Variants in CROCC observed in about 807,000 individuals in gnomAD.
The protein encoded by CROCC is rootletin.
In CROCC, 180 loss-of-function variants were observed where a neutral mutation model predicts 245.2. That is an observed-to-expected ratio of 0.73 (90% CI 0.65 to 0.83). The LOEUF is 0.83. CROCC is among the 40% of genes least tolerant of loss of function. The pLI, the probability that CROCC is intolerant of heterozygous loss-of-function variation, is 0.00. For synonymous variants in CROCC, 1,205 were observed against 1,241.6 expected, an observed-to-expected ratio of 0.97 and a Z score of 0.62; for missense variants, 2,688 against 2,779.4, an observed-to-expected ratio of 0.97 and a Z score of 0.74.
chr1:16,954,457 C>T lies in CROCC; in HGVS notation c.3321+100C>T. 6.9e-7 allele frequency: 1 copy of T among 1,454,848 alleles called. No individual in the cohort carries two copies. 90.1% of individuals were successfully genotyped at this position (1,454,848 alleles called of 1,614,324 possible). The stretch of plus-strand genomic sequence containing the variant: ...GCGGCATGGCCCTGTCCTGGAGAAG[C>T]TTCCAGGCTGTGGGAAAGGAGGTTT... On this transcript the variant is annotated intron_variant, in intron 22 of 36. Transcript: ENST00000375541. This position sits in a 1 kb window ranked among gnomAD's most constrained non-coding sequence, Gnocchi z 4.4.
At chr1:16,919,515 A>C (rs2075359501), upstream of CROCC, among the ~76,000 whole-genome samples, 1 of 152,254 alleles carries the variant, frequency 6.6e-6, no homozygotes, top group Admixed American at 6.5e-5. Context: ...CGCAGGCAAA[A>C]CTCTTCAGTC....
chr1:16,938,785 G>A, intron 11 of CROCC, 124 bp from the exon 12 acceptor site: 2 of 982,916 alleles, frequency 2.0e-6, no homozygotes, highest in East Asian at 5.2e-5. Flanking sequence ...AAATCAGGAA[G>A]GCTTCTTGTA....
chr1:16,923,869 CAG>C (rs1448656525), intron 2 of CROCC, among the ~76,000 whole-genome samples: 7 of 152,246 alleles, frequency 4.6e-5, no homozygotes, highest in African/African-American at 1.7e-4. Context: ...TTAGTAGAGA[CAG>C]GGCTTCGCCG....
At chr1:16,941,853 T>C (rs2075941554) in intron 13 of CROCC, among the ~76,000 whole-genome samples, 1 of 152,260 alleles carries the variant, frequency 6.6e-6, no homozygotes, top group Non-Finnish European at 1.5e-5. Flanking sequence ...TTGCCAGCAC[T>C]ATTTTGGACT....
At chr1:16,946,740 C>T in intron 16 of CROCC, 21 bp from the exon 17 acceptor site, 3 of 1,549,114 alleles carry the variant, frequency 1.9e-6, no homozygotes, top group Non-Finnish European at 2.6e-6. Context: ...TCACGAGGCC[C>T]CACTCCTACC....
Position 16,939,918 on chromosome 1 carries a change from A to T in CROCC, c.1633A>T (p.Ser545Cys). 6 of 1,612,530 alleles carry T rather than the reference A, an allele frequency of 3.7e-6. No homozygotes were observed. Among genetic ancestry groups the T allele is most frequent in the Non-Finnish European group, 5.1e-6 (6 of 1,179,812 alleles). Residue 545 changes from serine (S) to cysteine (C), a missense_variant, in exon 13 of 37, where the codon AGC (serine) becomes TGC (cysteine). Around this residue, in one of 9 missense-constraint regions of CROCC, gnomAD observed 972 missense variants for 895.3 expected, o/e 1.09. Transcript: ENST00000375541. ...VQDMRGRYEASQDLLGTLRKQ... is the reference protein window; with the variant it reads ...VQDMRGRYEACQDLLGTLRKQ... ...GGACATGCGTGGGCGCTATGAGGCA[A>T]GCCAGGACCTACTGGGCACCCTGCG...
chr1:16,957,374 T>A (rs1289810053), intron 25 of CROCC, among the ~76,000 whole-genome samples: 1 of 151,748 alleles, frequency 6.6e-6, no homozygotes, highest in South Asian at 2.1e-4. Context: ...ATCACCGCAC[T>A]CCAGCCTGGG....
At chr1:16,921,503 A>G (rs1267689844), upstream of CROCC, among the ~76,000 whole-genome samples, 3 of 152,276 alleles carry the variant, frequency 2.0e-5, no homozygotes, top group Admixed American at 1.3e-4. Context: ...GTGGGAAAAC[A>G]TACTCCCAGC....
intron 3 of CROCC, among the ~76,000 whole-genome samples, chr1:16,929,279 G>C (rs1206443161): frequency 6.6e-6 from 1 of 152,280 alleles, no homozygotes; most frequent in East Asian, 1.9e-4. Flanking sequence ...TATCTTTAAG[G>C]TCAGATATGC....
chr1:16,961,246 C>T lies in CROCC; in HGVS notation c.4405+116C>T, dbSNP rs544145307. The T allele has an allele frequency of 1.1e-3, 1,122 of 1,028,184 alleles. 6 individuals carry two copies. The highest frequency in any genetic ancestry group is 0.011 in the African/African-American group (637 of 59,344). The allele number at this position is 1,028,184 out of a possible 1,614,324, so 63.7% of individuals were successfully genotyped here. A position where few individuals can be genotyped will look rare whatever the true frequency, so the allele number is the denominator to read the frequency against. ...TTTTGTTTTTTTTCAAGGAGCCCAC[C>T]ACACCTCTCCACTGAGGTCCACTTC... is the stretch of plus-strand genomic sequence containing the variant. On this transcript the variant is annotated intron_variant, in intron 27 of 36. Coordinates refer to ENST00000375541, the MANE Select transcript of CROCC (RefSeq NM_014675.5).
chr1:16,930,578 G>A lies in CROCC; in HGVS notation c.833G>A (p.Trp278Ter). Residue 278 changes from tryptophan (W) to a stop codon, truncating the protein, a stop_gained, in exon 7 of 37, where the codon TGG (tryptophan) becomes TAG (stop). Transcript: ENST00000375541. LOFTEE classifies it high-confidence loss of function. ...GAGCTGGAGCACCGGGAGGCGGCGT[G>A]GAGGCGCGAGGAGGAGGTGGGCATG... is the stretch of plus-strand genomic sequence containing the variant. ...RKELEHREAAWRREEESFNAY... is the reference protein window; with the variant it reads ...RKELEHREAA The A allele has an allele frequency of 6.2e-7, 1 of 1,610,344 alleles. No homozygotes were observed. The highest frequency in any genetic ancestry group is 1.1e-5 in the South Asian group (1 of 90,486).
intron 17 of CROCC, among the ~76,000 whole-genome samples, chr1:16,948,000 G>A (rs1260079687): frequency 2.0e-5 from 3 of 152,238 alleles, no homozygotes; most frequent in Admixed American, 6.5e-5. Context: ...CACCACGCCC[G>A]GCTAATTTTT....
rs763513344 is a variant in CROCC at position 16,966,414 on chromosome 1, G to A, written c.4703G>A (p.Arg1568His). The change falls in exon 30 of 37, where the codon CGC becomes CAC. Residue 1568 changes from arginine to histidine, a missense_variant. Transcript: ENST00000375541. The surrounding 1 kb of genome is among the most constrained non-coding windows in gnomAD (Gnocchi z 4.8). ...GGGTGGGTGGTGGCTACAGCCCGGC[G>A]CAGTGTGGATGGGCGGCTGAGCGGG... ...KAVAESEEAR[R>H]SVDGRLSGVQ... 2.5e-5 allele frequency: 38 copies of A among 1,531,714 alleles called. No homozygotes were observed. Among genetic ancestry groups the A allele is most frequent in the African/African-American group, 8.2e-5 (6 of 72,766 alleles). 94.9% of individuals were successfully genotyped at this position (1,531,714 alleles called of 1,614,324 possible).
At chr1:16,938,863 G>T (rs1288511055) in intron 11 of CROCC, 46 bp from the exon 12 acceptor site, 3 of 1,577,178 alleles carry the variant, frequency 1.9e-6, no homozygotes, top group Non-Finnish European at 2.6e-6. Context: ...TAACCCCGCG[G>T]TTCCTAACTC....
At chr1:16,935,687 G>A (rs1255873299) in intron 8 of CROCC, among the ~76,000 whole-genome samples, 4 of 152,276 alleles carry the variant, frequency 2.6e-5, no homozygotes, top group Non-Finnish European at 5.9e-5. Flanking sequence ...GCCTCCCAAA[G>A]TGCTGGGATT....
intron 17 of CROCC, among the ~76,000 whole-genome samples, chr1:16,947,325 T>C (rs1482071464): frequency 2.0e-5 from 3 of 152,172 alleles, no homozygotes; most frequent in Non-Finnish European, 4.4e-5. Context: ...AAAAATTAGC[T>C]GGGCGTGGTG....
rs1029004416 is a variant in CROCC, at chr1:16,966,946, TCGGGAGG to T, written c.4860+377_4860+383del. ...GGTGTGGGCCTGTAGTCCCAGCTAC[TCGGGAGG>T]CTGAGGTGGGAAGATCACTGGAGCC... On this transcript the variant is annotated intron_variant, in intron 30 of 36. Transcript: ENST00000375541. This position sits in a 1 kb window ranked among gnomAD's most constrained non-coding sequence, Gnocchi z 4.8. Among the ~76,000 whole-genome samples, 1 of 151,848 alleles carries T rather than the reference TCGGGAGG, an allele frequency of 6.6e-6. No homozygotes were observed. The highest frequency in any genetic ancestry group is 1.5e-5 in the Non-Finnish European group (1 of 67,976).
In CROCC at chr1:16,944,258, G is replaced by C. The variant is rs779927599; in HGVS notation, c.1967G>C (p.Arg656Pro). The change falls in exon 14 of 37, where the codon CGG becomes CCG. Residue 656 changes from arginine to proline, a missense_variant. Physicochemically the swap from Arg to Pro is moderately radical, Grantham distance 103. Around this residue, in one of 9 missense-constraint regions of CROCC, gnomAD observed 972 missense variants for 895.3 expected, o/e 1.09. Coordinates refer to ENST00000375541, the MANE Select transcript of CROCC (RefSeq NM_014675.5). ...GAGGACGCAGTGCAGGATGGCGCGC[G>C]GGTGCGCCGGGAGCTTGAGCGCAGG... is the stretch of plus-strand genomic sequence containing the variant. ...EQEDAVQDGA[R>P]VRRELERSHR... 1.3e-6 allele frequency: 2 copies of C among 1,545,122 alleles called. No individual in the cohort carries two copies. Among genetic ancestry groups the C allele is most frequent in the Non-Finnish European group, 1.7e-6 (2 of 1,144,060 alleles).
chr1:16,970,832 G>A, intron 35 of CROCC, 65 bp downstream of exon 35: 1 of 1,470,010 alleles, frequency 6.8e-7, no homozygotes, highest in Non-Finnish European at 9.0e-7. Flanking sequence ...CAATTCCAGT[G>A]GAGCTGATGG....
Sources: allele counts gnomAD v4.1 joint callset (sites outside exome capture counted in the v4.1 genomes callset), GRCh38; gene constraint gnomAD v4.1.1; regional missense constraint gnomAD v4.1.1; non-coding constraint Gnocchi (gnomAD v3.1); transcripts MANE v1.5; gene names NCBI Gene and HGNC (gene_info 2026-07-23, HGNC 2026-07-21).